ZFP69B: variants seen among roughly 807,000 people sequenced by gnomAD.
ZFP69B encodes ZFP69 zinc finger protein B.
A neutral mutation model predicts 19.7 loss-of-function variants in ZFP69B; 20 were observed. The ratio of observed to expected loss-of-function variants is 1.02; its 90% CI spans 0.71 to 1.48. ZFP69B has a LOEUF of 1.48. ZFP69B is among the 40% of genes most tolerant of loss of function. ZFP69B has a pLI of 0.00. For missense variants in ZFP69B, 583 were observed against 632.6 expected, an observed-to-expected ratio of 0.92 and a Z score of 0.84; for synonymous variants, 220 against 222.7, an observed-to-expected ratio of 0.99 and a Z score of 0.11.
chr1:40,461,637 A>T (rs1423722230), intron 4 of ZFP69B, among the ~76,000 whole-genome samples: 1 of 152,028 alleles, frequency 6.6e-6, no homozygotes, highest in African/African-American at 2.4e-5. Context: ...TCTACAAAAA[A>T]TACAAAAATT....
rs35932276 is a variant in ZFP69B at position 40,460,979 on chromosome 1, CAAA to C, written c.437-1424_437-1422del. On this transcript the variant is annotated intron_variant, in intron 4 of 4. Transcript: ENST00000361584. ...TTAGCAACAGAGTGAGACTTTGTCT[CAAA>C]AAAAAAAAAAAAAAAAAGCCAGGTG... is the stretch of plus-strand genomic sequence containing the variant. Among the ~76,000 whole-genome samples, 80 of 75,374 alleles carry C rather than the reference CAAA, an allele frequency of 1.1e-3. 1 individual carries two copies. Among genetic ancestry groups the C allele is most frequent in the Middle Eastern group, 7.1e-3 (1 of 140 alleles). 49.4% of individuals were successfully genotyped at this position (75,374 alleles called of 152,430 possible).
In ZFP69B at chr1:40,463,579, ATGT is replaced by A. The variant is rs1645314333; in HGVS notation, c.1599_1601del (p.Val534del). ...ACACATTTAAGAAATACCTTCAGCA[ATGT>A]TGTGTGAAATATACTAAACATCAAA... On this transcript the variant is annotated inframe_deletion, in exon 5 of 5. Transcript: ENST00000361584. The A allele has an allele frequency of 1.2e-6, 2 of 1,603,004 alleles. No individual in the cohort carries two copies. The highest frequency in any genetic ancestry group is 2.7e-5 in the African/African-American group (2 of 74,586).
upstream of ZFP69B, among the ~76,000 whole-genome samples, chr1:40,450,408 A>T (rs1170095107): frequency 6.6e-6 from 1 of 152,132 alleles, no homozygotes; most frequent in African/African-American, 2.4e-5. Flanking sequence ...CCGACTAGTG[A>T]AAGAGCTGGG....
intron 4 of ZFP69B, among the ~76,000 whole-genome samples, chr1:40,458,666 G>A (rs1373073652): frequency 2.0e-5 from 3 of 152,074 alleles, no homozygotes; most frequent in Non-Finnish European, 4.4e-5. Flanking sequence ...ACAGGTGTGA[G>A]CCACTGTGCC....
chr1:40,458,318 A>G (rs1218280209), intron 4 of ZFP69B, among the ~76,000 whole-genome samples: 2 of 151,726 alleles, frequency 1.3e-5, no homozygotes, highest in Non-Finnish European at 2.9e-5. Context: ...TGTCTCCTCT[A>G]TTTCTCTCAT....
At chr1:40,456,567 C>T (rs559860) in intron 2 of ZFP69B, among the ~76,000 whole-genome samples, 41,810 of 151,792 alleles carry the variant, frequency 0.28, 5,956 homozygotes, top group Admixed American at 0.35. Context: ...TAAAGTATTC[C>T]TATTTTAACC....
At chr1:40,457,294 G>A (rs1395144013) in intron 3 of ZFP69B, 50 bp from the exon 4 acceptor site, 4 of 1,585,526 alleles carry the variant, frequency 2.5e-6, no homozygotes, top group East Asian at 2.2e-5. Context: ...TAAATTCTTG[G>A]GATGGCTCTG....
chr1:40,452,980 T>G (rs1323439565), intron 1 of ZFP69B, among the ~76,000 whole-genome samples: 1 of 151,082 alleles, frequency 6.6e-6, no homozygotes. Flanking sequence ...TAGTGGTTTT[T>G]TTTTTTTTTT....
At chr1:40,457,176 T>C (rs1411924856) in intron 3 of ZFP69B, 105 bp downstream of exon 3, 1 of 1,560,482 alleles carries the variant, frequency 6.4e-7, no homozygotes, top group South Asian at 1.2e-5. Context: ...TTAGAGGTTT[T>C]GTGTTTCCTT....
At chr1:40,454,068 T>G in intron 1 of ZFP69B, 135 bp from the exon 2 acceptor site, 1 of 455,796 alleles carries the variant, frequency 2.2e-6, no homozygotes, top group Non-Finnish European at 3.7e-6. Flanking sequence ...GGCTTTGAGC[T>G]GCTCTTGAGT....
In ZFP69B at chr1:40,462,606, C is replaced by A. The variant is rs148278676; in HGVS notation, c.622C>A (p.Gln208Lys). Residue 208 changes from glutamine to lysine, a missense_variant, in exon 5 of 5, where the codon CAA becomes AAA. Gln to Lys is a moderately conservative substitution (Grantham distance 53). Coordinates refer to ENST00000361584, the MANE Select transcript of ZFP69B (RefSeq NM_023070.3). The stretch of plus-strand genomic sequence containing the variant: ...AGAGAACCAAAGAATGGGTAAGGGG[C>A]AAATCCCCCTGATGTGCAAGAAAAC... ...QQENQRMGKG[Q>K]IPLMCKKTFT... 5.2e-4 allele frequency: 839 copies of A among 1,613,960 alleles called. No individual in the cohort carries two copies. The highest frequency in any genetic ancestry group is 9.8e-4 in the Admixed American group (59 of 59,988).
chr1:40,455,736 T>G (rs1423543319), intron 2 of ZFP69B, among the ~76,000 whole-genome samples: 1 of 152,164 alleles, frequency 6.6e-6, no homozygotes, highest in Non-Finnish European at 1.5e-5. Flanking sequence ...TAGATATTTC[T>G]CCTAATGCTA....
intron 4 of ZFP69B, among the ~76,000 whole-genome samples, chr1:40,461,115 C>T (rs1421271782): frequency 2.1e-5 from 3 of 145,166 alleles, no homozygotes; most frequent in Admixed American, 1.4e-4. Context: ...CACTCCACTC[C>T]AGCCTGGGTG....
chr1:40,456,177 G>A (rs180933748), intron 2 of ZFP69B, among the ~76,000 whole-genome samples: 6 of 152,164 alleles, frequency 3.9e-5, no homozygotes, highest in East Asian at 3.9e-4. Flanking sequence ...ATGAGGAATC[G>A]CCAGACTCTC....
chr1:40,459,586 C>T (rs1645263699), intron 4 of ZFP69B, among the ~76,000 whole-genome samples: 1 of 152,150 alleles, frequency 6.6e-6, no homozygotes, highest in African/African-American at 2.4e-5. Flanking sequence ...GGCACATTTC[C>T]ATCATTTTAT....
rs1645299559 is a variant in ZFP69B, at chr1:40,462,615, CT to C, written c.632del (p.Leu211ArgfsTer24). The C allele has an allele frequency of 6.2e-7, 1 of 1,613,786 alleles. No homozygotes were observed. The highest frequency in any genetic ancestry group is 1.3e-5 in the African/African-American group (1 of 74,892). ...AAGAATGGGTAAGGGGCAAATCCCC[CT>C]GATGTGCAAGAAAACATTCACTCAG... Reference protein sequence around the residue: ...NQRMGKGQIPLMCKKTFTQER... With the variant: ...NQRMGKGQIPXMCKKTFTQER... On this transcript the variant is annotated frameshift_variant, in exon 5 of 5. Transcript: ENST00000361584. LOFTEE classifies it low-confidence loss of function (END_TRUNC).
chr1:40,458,739 C>T (rs371393595), intron 4 of ZFP69B, among the ~76,000 whole-genome samples: 1 of 151,966 alleles, frequency 6.6e-6, no homozygotes, highest in South Asian at 2.1e-4. Context: ...AGGCTGGTCT[C>T]GAACTCTTGG....
Position 40,462,762 on chromosome 1 carries a change from A to G in ZFP69B, c.778A>G (p.Ser260Gly). 6.2e-7 allele frequency: 1 copy of G among 1,614,084 alleles called. No individual in the cohort carries two copies. Among genetic ancestry groups the G allele is most frequent in the Non-Finnish European group, 8.5e-7 (1 of 1,179,994 alleles). Reference sequence around the variant, plus strand: ...TAAATATGACACACCTGGAAAGAGAAGCAGATACAACATAGATTTAGTTAA... The same window carrying G: ...TAAATATGACACACCTGGAAAGAGAGGCAGATACAACATAGATTTAGTTAA... ...DRKYDTPGKRSRYNIDLVNHS... is the reference protein window; with the variant it reads ...DRKYDTPGKRGRYNIDLVNHS... Residue 260 changes from serine to glycine, a missense_variant, in exon 5 of 5, where the codon AGC (serine) becomes GGC (glycine). By Grantham distance (56) the Ser-to-Gly change is moderately conservative (BLOSUM62 0). Coordinates refer to ENST00000361584, the MANE Select transcript of ZFP69B (RefSeq NM_023070.3).
chr1:40,458,512 G>GT (rs11343581), intron 4 of ZFP69B, among the ~76,000 whole-genome samples: 5,011 of 139,096 alleles, frequency 0.036, 208 homozygotes, highest in African/African-American at 0.11. Flanking sequence ...TGGAGAAATT[G>GT]TTTTTTTTTT....
Sources: gnomAD v4.1 joint callset for allele counts (sites outside exome capture counted in the v4.1 genomes callset) on GRCh38, gnomAD v4.1.1 for gene constraint, MANE v1.5 for transcripts, NCBI Gene and HGNC (gene_info 2026-07-23, HGNC 2026-07-21) for gene names.